The following LEKR1 variants were observed in gnomAD, a reference collection of about 807,000 sequenced individuals.
The protein encoded by LEKR1 is protein LEKR1.
A neutral mutation model predicts 72.4 loss-of-function variants in LEKR1; 59 were observed. The observed-to-expected ratio is 0.82, with a 90% CI of 0.66 to 1.01. The LOEUF (loss-of-function observed/expected upper bound fraction) is 1.01, where lower values mean the gene tolerates loss of function less well. LEKR1 is among the 50% of genes least tolerant of loss of function. The pLI is 0.00. For synonymous variants in LEKR1, 257 were observed against 263.2 expected, an observed-to-expected ratio of 0.98 and a Z score of 0.23; for missense variants, 728 against 759.2, an observed-to-expected ratio of 0.96 and a Z score of 0.48.
intron 3 of LEKR1, among the ~76,000 whole-genome samples, chr3:156,892,854 A>G (rs1014907901): frequency 6.6e-6 from 1 of 152,236 alleles, no homozygotes; most frequent in South Asian, 2.1e-4. Context: ...GGAGTGAATT[A>G]TGGCTAAAAT....
chr3:156,963,491 A>G (rs1576907345), intron 6 of LEKR1, among the ~76,000 whole-genome samples: 1 of 151,990 alleles, frequency 6.6e-6, no homozygotes, highest in Admixed American at 6.6e-5. Flanking sequence ...GGAATTAATG[A>G]TCTCTCCCCA....
intron 12 of LEKR1, among the ~76,000 whole-genome samples, chr3:157,031,619 A>G (rs1158324239): frequency 6.6e-6 from 1 of 152,186 alleles, no homozygotes; most frequent in Non-Finnish European, 1.5e-5. Context: ...CATAGCATGT[A>G]AAGTGAAAAG....
chr3:156,894,203 C>G (rs1302325800), intron 3 of LEKR1, among the ~76,000 whole-genome samples: 4 of 152,128 alleles, frequency 2.6e-5, no homozygotes, highest in African/African-American at 9.7e-5. Context: ...AGTAATGTCT[C>G]TTTTTAGATG....
intron 3 of LEKR1, among the ~76,000 whole-genome samples, chr3:156,882,536 A>C (rs1032757290): frequency 6.6e-6 from 1 of 151,970 alleles, no homozygotes; most frequent in African/African-American, 2.4e-5. Context: ...AAATAGGAAC[A>C]CTTTTACACT....
At chr3:156,881,276 T>G (rs1481378798) in intron 3 of LEKR1, among the ~76,000 whole-genome samples, 1 of 151,972 alleles carries the variant, frequency 6.6e-6, no homozygotes, top group Non-Finnish European at 1.5e-5. Flanking sequence ...AAAATCTCCT[T>G]AACCTGATAA....
intron 2 of LEKR1, chr3:156,852,117 G>C (rs1392575790): frequency 2.0e-5 from 3 of 152,138 alleles, no homozygotes; most frequent in Admixed American, 2.0e-4. Flanking sequence ...TTTAATCCCA[G>C]CTTCTCCGCA....
chr3:156,957,534 G>C (rs1035452403), intron 6 of LEKR1, among the ~76,000 whole-genome samples: 2 of 145,646 alleles, frequency 1.4e-5, no homozygotes, highest in African/African-American at 5.0e-5. Flanking sequence ...CTCCTACAGT[G>C]AAAAAAAAAA....
At chr3:156,890,929 G>A (rs940050604) in intron 3 of LEKR1, among the ~76,000 whole-genome samples, 18 of 148,214 alleles carry the variant, frequency 1.2e-4, no homozygotes, top group South Asian at 4.2e-4. Context: ...GCATGATCTC[G>A]GCTCACTGCA....
intron 3 of LEKR1, among the ~76,000 whole-genome samples, chr3:156,891,042 T>G (rs1245564488): frequency 6.7e-6 from 1 of 149,536 alleles, no homozygotes; most frequent in Non-Finnish European, 1.5e-5. Flanking sequence ...TTTTTTTTTT[T>G]GTATTTTTAG....
intron 6 of LEKR1, among the ~76,000 whole-genome samples, chr3:156,972,832 A>G (rs1318932972): frequency 1.3e-5 from 2 of 151,828 alleles, no homozygotes; most frequent in African/African-American, 4.8e-5. Flanking sequence ...GTTAGTTTAA[A>G]TGAGTTATTA....
At chr3:157,011,051 A>C (rs1242345209) in intron 9 of LEKR1, among the ~76,000 whole-genome samples, 3 of 152,122 alleles carry the variant, frequency 2.0e-5, no homozygotes, top group Non-Finnish European at 4.4e-5. Flanking sequence ...TTTAGAATTT[A>C]GTCTTATACT....
intron 12 of LEKR1, among the ~76,000 whole-genome samples, chr3:157,044,620 CT>C: frequency 1.3e-5 from 2 of 152,316 alleles, no homozygotes; most frequent in Admixed American, 1.3e-4. Context: ...GGCAGTTCTG[CT>C]CAAACCTACG....
Position 156,927,615 on chromosome 3 carries a change from T to G in LEKR1, c.559+11T>G. On this transcript the variant is annotated intron_variant, in intron 5 of 12. Coordinates refer to ENST00000356539, the MANE Select transcript of LEKR1 (RefSeq NM_001004316.3). ...AAACAGCCTTGACAGGTTTGTTACA[T>G]ATATTTAGAATATAATTGTCCCTTT... 1 of 1,141,272 alleles carries G rather than the reference T, an allele frequency of 8.8e-7. No homozygotes were observed. Among genetic ancestry groups the G allele is most frequent in the Non-Finnish European group, 1.1e-6 (1 of 896,228 alleles). 70.7% of individuals were successfully genotyped at this position (1,141,272 alleles called of 1,614,324 possible). A position where few individuals can be genotyped will look rare whatever the true frequency, so the allele number is the denominator to read the frequency against.
intron 2 of LEKR1, among the ~76,000 whole-genome samples, chr3:156,831,258 G>A (rs1019388573): frequency 1.8e-4 from 28 of 152,106 alleles, no homozygotes; most frequent in African/African-American, 5.3e-4. Flanking sequence ...AAGGCCAATT[G>A]TAGGTTCTAC....
Position 156,980,246 on chromosome 3 carries a change from C to A in LEKR1, c.827+971C>A, listed in dbSNP as rs564127554. On this transcript the variant is annotated intron_variant, in intron 7 of 12. Transcript: ENST00000356539. ...CTTAGCAACCAAATGTTTGTGTTGA[C>A]CATGAACTACTCCTAAAATCAATGT... Among the ~76,000 whole-genome samples the A allele has an allele frequency of 4.8e-4, 73 of 152,160 alleles. 1 individual carries two copies. Among genetic ancestry groups the A allele is most frequent in the East Asian group, 5.8e-4 (3 of 5,180 alleles).
rs959234122 is a variant in LEKR1 at position 156,907,211 on chromosome 3, A to G, written c.264-13364A>G. Reference sequence around the variant, plus strand: ...TTCTCAATCCTGATTCTCTCTGTAGAGATCACCCTGCTTTAACATTGATGA... The same window carrying G: ...TTCTCAATCCTGATTCTCTCTGTAGGGATCACCCTGCTTTAACATTGATGA... On this transcript the variant is annotated intron_variant, in intron 3 of 12. Coordinates refer to ENST00000356539, the MANE Select transcript of LEKR1 (RefSeq NM_001004316.3). Among the ~76,000 whole-genome samples, 7 of 152,234 alleles carry G rather than the reference A, an allele frequency of 4.6e-5. No individual in the cohort carries two copies. The South Asian group carries it at 1.5e-3, about 32-fold the overall frequency.
At position 157,008,283 on chromosome 3, in the gene LEKR1, C is replaced by A. The variant is rs146393367; in HGVS notation, c.1110-3130C>A. ...AGAGAGGACAGTAAACCCCATCACA[C>A]AGGAGAGTGACCTACAACTCACCTG... On this transcript the variant is annotated intron_variant, in intron 9 of 12. Transcript: ENST00000356539. Among the ~76,000 whole-genome samples the A allele has an allele frequency of 2.5e-3, 386 of 152,350 alleles. 5 individuals are homozygous for A. The highest frequency in any genetic ancestry group is 8.8e-3 in the African/African-American group (364 of 41,590).
At chr3:156,848,202 C>A (rs1714865371) in intron 2 of LEKR1, among the ~76,000 whole-genome samples, 1 of 152,128 alleles carries the variant, frequency 6.6e-6, no homozygotes, top group African/African-American at 2.4e-5. Context: ...GATTTATTGA[C>A]ATGGATGAAT....
In LEKR1 at chr3:156,829,282, T is replaced by C; in HGVS notation, c.-44-4T>C. On this transcript the variant is annotated splice_polypyrimidine_tract_variant and splice_region_variant and intron_variant, in intron 1 of 12. Transcript: ENST00000356539. ...GTTCTGACTGTTGCCATCAATGTTC[T>C]TAGATTTCCTTTGGCTTCAAAGCTC... The C allele has an allele frequency of 8.5e-7, 1 of 1,172,768 alleles. No individual in the cohort carries two copies. The highest frequency in any genetic ancestry group is 1.5e-5 in the African/African-American group (1 of 65,866). The allele number at this position is 1,172,768 out of a possible 1,614,324, so 72.6% of individuals were successfully genotyped here.
Sources: allele counts gnomAD v4.1 joint callset (sites outside exome capture counted in the v4.1 genomes callset), GRCh38; gene constraint gnomAD v4.1.1; transcripts MANE v1.5; gene names NCBI Gene and HGNC (gene_info 2026-07-23, HGNC 2026-07-21).